Variants in OR2AG1 observed in about 807,000 individuals in gnomAD.
The protein encoded by OR2AG1 is olfactory receptor family 2 subfamily AG member 1.
For synonymous variants in OR2AG1, 157 were observed against 155.6 expected, an observed-to-expected ratio of 1.01 and a Z score of -0.07; for missense variants, 391 against 385.9, an observed-to-expected ratio of 1.01 and a Z score of -0.11.
Position 6,785,903 on chromosome 11 carries a change from T to C in OR2AG1, c.866T>C (p.Ile289Thr). ...GTCACTCCAGCCCTGAATCCACTCA[T>C]CTACAGCCTGAGGAATAAGGAGGTC... Reference protein sequence around the residue: ...TIVTPALNPLIYSLRNKEVMR... With the variant: ...TIVTPALNPLTYSLRNKEVMR... Residue 289 changes from isoleucine (I) to threonine (T), a missense_variant, in exon 2 of 2, where the codon ATC (isoleucine) becomes ACC (threonine). Transcript: ENST00000641258. The C allele has an allele frequency of 6.2e-7, 1 of 1,614,100 alleles. No homozygotes were observed. The highest frequency in any genetic ancestry group is 8.5e-7 in the Non-Finnish European group (1 of 1,180,008).
Position 6,785,940 on chromosome 11 carries a change from G to C in OR2AG1, c.903G>C (p.Leu301Phe). Residue 301 changes from leucine (L) to phenylalanine (F), a missense_variant, in exon 2 of 2, where the codon TTG (leucine) becomes TTC (phenylalanine). By Grantham distance (22) the Leu-to-Phe change is conservative. Transcript: ENST00000641258. ...SLRNKEVMRA[L>F]RRVLGKYMLP... The stretch of plus-strand genomic sequence containing the variant: ...GGAATAAGGAGGTCATGCGGGCCTT[G>C]AGGAGGGTCCTGGGAAAATACATGC... The C allele has an allele frequency of 6.2e-7, 1 of 1,614,078 alleles. No individual in the cohort carries two copies. The highest frequency in any genetic ancestry group is 8.5e-7 in the Non-Finnish European group (1 of 1,179,956).
chr11:6,784,496 C>T (rs776818266), intron 1 of OR2AG1, among the ~76,000 whole-genome samples: 1 of 152,200 alleles, frequency 6.6e-6, no homozygotes, highest in Non-Finnish European at 1.5e-5. Context: ...AGAGAAGTAA[C>T]TAAGGTGGAC....
At chr11:6,783,718 C>T (rs1847595267) in intron 1 of OR2AG1, among the ~76,000 whole-genome samples, 1 of 152,218 alleles carries the variant, frequency 6.6e-6, no homozygotes, top group African/African-American at 2.4e-5. Flanking sequence ...AATCGCAATA[C>T]TTGTCTTTAG....
rs1209856313 is a variant in OR2AG1, at chr11:6,785,766, C to T, written c.729C>T (p.Ser243=). Residue 243 remains serine, a synonymous_variant, in exon 2 of 2, where the codon TCC becomes TCT. Transcript: ENST00000641258. ...AGAAAGCCCTTGTCACCTGCTCTTC[C>T]CACCTGACTGTGGTTGGGATGTTCT... ...GRKKALVTCS[S]HLTVVGMFYG... The T allele has an allele frequency of 1.2e-6, 2 of 1,614,184 alleles. No individual in the cohort carries two copies. The highest frequency in any genetic ancestry group is 2.2e-5 in the East Asian group (1 of 44,882).
intron 1 of OR2AG1, among the ~76,000 whole-genome samples, chr11:6,784,551 C>T (rs1272160321): frequency 6.6e-6 from 1 of 152,170 alleles, no homozygotes; most frequent in Admixed American, 6.5e-5. Flanking sequence ...GCCTTGAGTA[C>T]TGCAAACAAA....
rs1847643636 is a variant in OR2AG1, at chr11:6,787,753, T to C, written c.*1765T>C. The C allele has an allele frequency of 6.6e-6, 1 of 151,922 alleles. No homozygotes were observed. Among genetic ancestry groups the C allele is most frequent in the Admixed American group, 6.6e-5 (1 of 15,240 alleles). The allele number at this position is 151,922 out of a possible 1,614,324, so 9.4% of individuals were successfully genotyped here. ...TCAATCTCTTGGATGTGTGACTTTT[T>C]TTCTATAGAAAATTCCTATGAGTGA... On this transcript the variant is annotated 3_prime_UTR_variant, in exon 2 of 2. Coordinates refer to ENST00000641258, the MANE Select transcript of OR2AG1 (RefSeq NM_001004489.3).
rs1847589572 is a variant in OR2AG1 at position 6,783,152 on chromosome 11, G to C, written c.-340G>C. 1 of 152,210 alleles carries C rather than the reference G, an allele frequency of 6.6e-6. No individual in the cohort carries two copies. The highest frequency in any genetic ancestry group is 1.5e-5 in the Non-Finnish European group (1 of 68,054). 9.4% of individuals were successfully genotyped at this position (152,210 alleles called of 1,614,324 possible). A position where few individuals can be genotyped will look rare whatever the true frequency, so the allele number is the denominator to read the frequency against. ...ACCTGTATGAAAGTAGTTGCTACTAGTTCTTCACAGGCGTGAGAACAAGAA... is the reference window on the plus strand; with the variant it reads ...ACCTGTATGAAAGTAGTTGCTACTACTTCTTCACAGGCGTGAGAACAAGAA... On this transcript the variant is annotated 5_prime_UTR_variant, in exon 1 of 2. Transcript: ENST00000641258.
rs748823846 is a variant in OR2AG1 at position 6,785,693 on chromosome 11, C to T, written c.656C>T (p.Thr219Ile). The T allele has an allele frequency of 1.9e-6, 3 of 1,614,002 alleles. No homozygotes were observed. Among genetic ancestry groups the T allele is most frequent in the Admixed American group, 1.7e-5 (1 of 59,992 alleles). ...CTTGCTGCTATACTGGCCTCCTATA[C>T]ACAAATTCTACTCACTGTGCTCCAT... ...PSLAAILASY[T>I]QILLTVLHMP... The change falls in exon 2 of 2, where the codon ACA (threonine) becomes ATA (isoleucine). Residue 219 changes from threonine (T) to isoleucine (I), a missense_variant. By Grantham distance (89) the Thr-to-Ile change is moderately conservative. Transcript: ENST00000641258.
Position 6,788,823 on chromosome 11 carries a change from C to T in OR2AG1, c.*2835C>T, listed in dbSNP as rs1847653500. 1 of 151,830 alleles carries T rather than the reference C, an allele frequency of 6.6e-6. No individual in the cohort carries two copies. Among genetic ancestry groups the T allele is most frequent in the Non-Finnish European group, 1.5e-5 (1 of 68,006 alleles). The allele number at this position is 151,830 out of a possible 1,614,324, so 9.4% of individuals were successfully genotyped here. A position where few individuals can be genotyped will look rare whatever the true frequency, so the allele number is the denominator to read the frequency against. On this transcript the variant is annotated 3_prime_UTR_variant, in exon 2 of 2. Coordinates refer to ENST00000641258, the MANE Select transcript of OR2AG1 (RefSeq NM_001004489.3). ...TTCCTGTTTTCCCTCATTATAACTG[C>T]TTGAACCCGGGAGGCAGAGACTGCA... is the stretch of plus-strand genomic sequence containing the variant.
rs1349657093 is a variant in OR2AG1, at chr11:6,785,624, A to G, written c.587A>G (p.Glu196Gly). 1 of 1,614,062 alleles carries G rather than the reference A, an allele frequency of 6.2e-7. No homozygotes were observed. The highest frequency in any genetic ancestry group is 8.5e-7 in the Non-Finnish European group (1 of 1,179,952). The change falls in exon 2 of 2, where the codon GAG (glutamate) becomes GGG (glycine). Residue 196 changes from glutamate (E) to glycine (G), a missense_variant. Physicochemically the swap from Glu to Gly is moderately conservative, Grantham distance 98. Transcript: ENST00000641258. ...KVACADTSRY[E>G]LMVYVMGVTF... ...GCCTGTGCTGATACCTCCAGATATG[A>G]GCTCATGGTATATGTGATGGGTGTG...
intron 1 of OR2AG1, 71 bp from the exon 2 acceptor site, chr11:6,784,946 TA>T: frequency 1.3e-6 from 1 of 768,312 alleles, no homozygotes; most frequent in Non-Finnish European, 2.1e-6. Context: ...ATTCATGTCC[TA>T]AGAAGCCTCT....
Position 6,785,608 on chromosome 11 carries a change from G to T in OR2AG1, c.571G>T (p.Asp191Tyr), listed in dbSNP as rs752701759. Residue 191 changes from aspartate to tyrosine, a missense_variant, in exon 2 of 2, where the codon GAT (aspartate) becomes TAT (tyrosine). Transcript: ENST00000641258. ...IPHLLKVACA[D>Y]TSRYELMVYV... is the part of the protein sequence containing the mutation. ...ACACTTGCTGAAGGTGGCCTGTGCT[G>T]ATACCTCCAGATATGAGCTCATGGT... The T allele has an allele frequency of 1.8e-5, 29 of 1,613,992 alleles. No individual in the cohort carries two copies. The highest frequency in any genetic ancestry group is 1.0e-4 in the Admixed American group (6 of 60,008).
intron 1 of OR2AG1, among the ~76,000 whole-genome samples, chr11:6,784,523 A>G (rs895100341): frequency 1.3e-5 from 2 of 152,170 alleles, no homozygotes; most frequent in Non-Finnish European, 2.9e-5. Context: ...TAGCCTACTA[A>G]TGAGGCTTTC....
In OR2AG1 at chr11:6,788,740, A is replaced by C. The variant is rs1235085884; in HGVS notation, c.*2752A>C. Reference sequence around the variant, plus strand: ...TTGCCTCACACTTCACTAGAACAGAAGCAGTTGGCTACAAAGCCCTCTTCA... The same window carrying C: ...TTGCCTCACACTTCACTAGAACAGACGCAGTTGGCTACAAAGCCCTCTTCA... On this transcript the variant is annotated 3_prime_UTR_variant, in exon 2 of 2. Transcript: ENST00000641258. 6.6e-6 allele frequency: 1 copy of C among 152,026 alleles called. No homozygotes were observed. 9.4% of individuals were successfully genotyped at this position (152,026 alleles called of 1,614,324 possible). A position where few individuals can be genotyped will look rare whatever the true frequency, so the allele number is the denominator to read the frequency against.
In OR2AG1 at chr11:6,785,595, G is replaced by A. The variant is rs770601598; in HGVS notation, c.558G>A (p.Lys186=). Residue 186 remains lysine, a synonymous_variant, in exon 2 of 2, where the codon AAG becomes AAA. Coordinates refer to ENST00000641258, the MANE Select transcript of OR2AG1 (RefSeq NM_001004489.3). ...TCTGTGAGATCCCACACTTGCTGAAGGTGGCCTGTGCTGATACCTCCAGAT... is the reference window on the plus strand; with the variant it reads ...TCTGTGAGATCCCACACTTGCTGAAAGTGGCCTGTGCTGATACCTCCAGAT... ...HLLCEIPHLL[K]VACADTSRYE... 1.2e-6 allele frequency: 2 copies of A among 1,614,176 alleles called. No individual in the cohort carries two copies. The highest frequency in any genetic ancestry group is 2.2e-5 in the South Asian group (2 of 91,084).
rs2133030571 is a variant in OR2AG1 at position 6,788,970 on chromosome 11, A to G, written c.*2982A>G. 1 of 151,058 alleles carries G rather than the reference A, an allele frequency of 6.6e-6. No homozygotes were observed. The highest frequency in any genetic ancestry group is 6.6e-5 in the Admixed American group (1 of 15,184). 9.4% of individuals were successfully genotyped at this position (151,058 alleles called of 1,614,324 possible). On this transcript the variant is annotated 3_prime_UTR_variant, in exon 2 of 2. Transcript: ENST00000641258. The stretch of plus-strand genomic sequence containing the variant: ...AATAAATAAAGTAAGAAGTCTTTGC[A>G]TGACTCCAATCCCCCTCAGTAACTG...
Position 6,787,786 on chromosome 11 carries a change from C to T in OR2AG1, c.*1798C>T, listed in dbSNP as rs1430578816. ...GAAAATTCCTATGAGTGAAATTACTCGAACCAAGGTTAAAAATCTGTTTAA... is the reference window on the plus strand; with the variant it reads ...GAAAATTCCTATGAGTGAAATTACTTGAACCAAGGTTAAAAATCTGTTTAA... On this transcript the variant is annotated 3_prime_UTR_variant, in exon 2 of 2. Coordinates refer to ENST00000641258, the MANE Select transcript of OR2AG1 (RefSeq NM_001004489.3). 4 of 151,672 alleles carry T rather than the reference C, an allele frequency of 2.6e-5. No individual in the cohort carries two copies. Among genetic ancestry groups the T allele is most frequent in the African/African-American group, 4.8e-5 (2 of 41,300 alleles). The allele number at this position is 151,672 out of a possible 1,614,324, so 9.4% of individuals were successfully genotyped here. A position where few individuals can be genotyped will look rare whatever the true frequency, so the allele number is the denominator to read the frequency against.
Position 6,785,907 on chromosome 11 carries a change from C to T in OR2AG1, c.870C>T (p.Tyr290=). ...CTCCAGCCCTGAATCCACTCATCTACAGCCTGAGGAATAAGGAGGTCATGC... is the reference window on the plus strand; with the variant it reads ...CTCCAGCCCTGAATCCACTCATCTATAGCCTGAGGAATAAGGAGGTCATGC... ...IVTPALNPLI[Y]SLRNKEVMRA... is the part of the protein sequence containing the mutation. Residue 290 remains tyrosine (Y), a synonymous_variant, in exon 2 of 2, where the codon TAC becomes TAT. Coordinates refer to ENST00000641258, the MANE Select transcript of OR2AG1 (RefSeq NM_001004489.3). 3 of 1,614,144 alleles carry T rather than the reference C, an allele frequency of 1.9e-6. No homozygotes were observed. The highest frequency in any genetic ancestry group is 1.1e-5 in the South Asian group (1 of 91,080).
rs635571 is a variant in OR2AG1, at chr11:6,790,659, T to C, written c.*4671T>C. 152,249 of 152,390 alleles carry C rather than the reference T, an allele frequency of 1. 76,054 individuals are homozygous for C. The highest frequency in any genetic ancestry group is 1 in the Middle Eastern group (294 of 294). The allele number at this position is 152,390 out of a possible 1,614,324, so 9.4% of individuals were successfully genotyped here. On this transcript the variant is annotated 3_prime_UTR_variant, in exon 2 of 2. Coordinates refer to ENST00000641258, the MANE Select transcript of OR2AG1 (RefSeq NM_001004489.3). ...TTCTAAAGCTGCTTTGTCTTCATTATAGGAATGTAAAATATTACCTCTGCT... is the reference window on the plus strand; with the variant it reads ...TTCTAAAGCTGCTTTGTCTTCATTACAGGAATGTAAAATATTACCTCTGCT...
Sources: allele counts gnomAD v4.1 joint callset (sites outside exome capture counted in the v4.1 genomes callset), GRCh38; gene constraint gnomAD v4.1.1; transcripts MANE v1.5; gene names NCBI Gene and HGNC (gene_info 2026-07-23, HGNC 2026-07-21).